The following VTI1A variants were observed in gnomAD, a reference collection of about 807,000 sequenced individuals.
The protein encoded by VTI1A is vesicle transport through interaction with t-SNAREs 1A.
Under a neutral mutation model 34.9 loss-of-function variants are expected in VTI1A, and 22 were observed. The observed-to-expected ratio is 0.63, with a 90% CI of 0.45 to 0.90. The LOEUF is 0.90. Among genes scored for constraint, VTI1A ranks in the 40% least tolerant of loss-of-function variants. The pLI, the probability that VTI1A is intolerant of heterozygous loss-of-function variation, is 0.00. For missense variants in VTI1A, 268 were observed against 275.6 expected (o/e 0.97, Z 0.20); for synonymous variants, 87 against 97.3 (o/e 0.89, Z 0.62).
the VTI1A span, among the ~76,000 whole-genome samples, chr10:112,853,290 C>G: frequency 1.3e-5 from 2 of 152,348 alleles, no homozygotes; most frequent in East Asian, 3.9e-4. Context: ...CTTGTCCTTG[C>G]AAGACCTGCT....
chr10:112,812,291 G>C (rs889414309), intron 7 of VTI1A, among the ~76,000 whole-genome samples: 1 of 152,222 alleles, frequency 6.6e-6, no homozygotes, highest in Non-Finnish European at 1.5e-5. Flanking sequence ...GCTTGCTGCA[G>C]ACCTAGTTCA....
At chr10:112,477,752 A>C (rs1848322260) in intron 3 of VTI1A, among the ~76,000 whole-genome samples, 1 of 152,186 alleles carries the variant, frequency 6.6e-6, no homozygotes, top group Non-Finnish European at 1.5e-5. Context: ...GCCCTTTGTT[A>C]ATCTCTTCTG....
intron 7 of VTI1A, among the ~76,000 whole-genome samples, chr10:112,756,810 G>A (rs1393980594): frequency 6.6e-6 from 1 of 152,086 alleles, no homozygotes; most frequent in African/African-American, 2.4e-5. Context: ...CACTTTAGGA[G>A]GCCGAGCCGG....
At chr10:112,693,920 G>A (rs1848693982) in intron 7 of VTI1A, among the ~76,000 whole-genome samples, 1 of 152,122 alleles carries the variant, frequency 6.6e-6, no homozygotes, top group Non-Finnish European at 1.5e-5. Context: ...TATTTTATCT[G>A]TTTTAATGCG....
At chr10:112,698,782 A>C (rs1209599019) in intron 7 of VTI1A, among the ~76,000 whole-genome samples, 2 of 152,220 alleles carry the variant, frequency 1.3e-5, no homozygotes, top group African/African-American at 4.8e-5. Flanking sequence ...TGTTGAACAC[A>C]GGCAGAGTAT....
chr10:112,458,519 A>C (rs1847618703), intron 1 of VTI1A, among the ~76,000 whole-genome samples: 1 of 152,180 alleles, frequency 6.6e-6, no homozygotes, highest in Non-Finnish European at 1.5e-5. Flanking sequence ...TATTGTGAGT[A>C]CACATAAAAC....
intron 5 of VTI1A, among the ~76,000 whole-genome samples, chr10:112,642,722 A>G (rs1350401536): frequency 6.6e-6 from 1 of 152,072 alleles, no homozygotes; most frequent in African/African-American, 2.4e-5. Flanking sequence ...GTTACAGTCT[A>G]ATGGGGAGAC....
chr10:112,521,951 T>C (rs760293497), intron 3 of VTI1A, among the ~76,000 whole-genome samples: 1 of 151,864 alleles, frequency 6.6e-6, no homozygotes, highest in Non-Finnish European at 1.5e-5. Context: ...CCATGAGAAA[T>C]AGAAGTGAGG....
At chr10:112,562,264 T>A (rs1044164176) in intron 5 of VTI1A, among the ~76,000 whole-genome samples, 1 of 152,176 alleles carries the variant, frequency 6.6e-6, no homozygotes, top group African/African-American at 2.4e-5. Context: ...ACAGTCTATA[T>A]TTTTTCATAT....
chr10:112,537,970 C>T (rs887429075), intron 4 of VTI1A, among the ~76,000 whole-genome samples: 2 of 152,146 alleles, frequency 1.3e-5, no homozygotes, highest in South Asian at 2.1e-4. Flanking sequence ...GTATGGTCTT[C>T]GTACTTTTCT....
chr10:112,830,191 G>C, the VTI1A span, among the ~76,000 whole-genome samples: 1 of 152,062 alleles, frequency 6.6e-6, no homozygotes. Context: ...TCAGATCATA[G>C]AGCCTTCTGG....
the VTI1A span, among the ~76,000 whole-genome samples, chr10:112,841,365 C>A: frequency 6.6e-6 from 1 of 152,158 alleles, no homozygotes; most frequent in Admixed American, 6.5e-5. Flanking sequence ...GGAAAACAAC[C>A]GAATTGCTGT....
the VTI1A span, among the ~76,000 whole-genome samples, chr10:112,852,845 C>A: frequency 6.6e-6 from 1 of 152,178 alleles, no homozygotes; most frequent in East Asian, 1.9e-4. Context: ...GTGGCACAAT[C>A]TCAGCTCACT....
chr10:112,450,828 T>C (rs1231153818), intron 1 of VTI1A: 1 of 152,218 alleles, frequency 6.6e-6, no homozygotes, highest in Non-Finnish European at 1.5e-5. Context: ...TTAATTATTA[T>C]GGTTCTGTGG....
chr10:112,493,275 C>T (rs1460629686), intron 3 of VTI1A, among the ~76,000 whole-genome samples: 1 of 151,886 alleles, frequency 6.6e-6, no homozygotes, highest in Non-Finnish European at 1.5e-5. Flanking sequence ...ATTGTTAGTA[C>T]ATGGAAATAC....
intron 7 of VTI1A, among the ~76,000 whole-genome samples, chr10:112,764,926 T>C (rs1851595981): frequency 6.6e-6 from 1 of 152,226 alleles, no homozygotes; most frequent in Non-Finnish European, 1.5e-5. Context: ...TTAGAGTTAA[T>C]GACTAAGGGT....
At chr10:112,799,520 C>A (rs1309799717) in intron 7 of VTI1A, among the ~76,000 whole-genome samples, 2 of 152,190 alleles carry the variant, frequency 1.3e-5, no homozygotes, top group Admixed American at 1.3e-4. Context: ...TTCTCCCAGT[C>A]CCTGCCCCTG....
intron 7 of VTI1A, among the ~76,000 whole-genome samples, chr10:112,683,760 G>A (rs1395356353): frequency 6.6e-6 from 1 of 152,012 alleles, no homozygotes; most frequent in African/African-American, 2.4e-5. Flanking sequence ...CCTCTCATTT[G>A]GGGCCAGGCA....
chr10:112,538,358 T>C, intron 5 of VTI1A, 28 bp downstream of exon 5: 1 of 1,599,710 alleles, frequency 6.3e-7, no homozygotes, highest in Non-Finnish European at 8.6e-7. Context: ...GAGCAAATTG[T>C]CTTGCTTATG....
Sources: gnomAD v4.1 joint callset for allele counts (sites outside exome capture counted in the v4.1 genomes callset) on GRCh38, gnomAD v4.1.1 for gene constraint, MANE v1.5 for transcripts, NCBI Gene and HGNC (gene_info 2026-07-23, HGNC 2026-07-21) for gene names.